The following GIGYF2 variants were observed in gnomAD, a reference collection of about 807,000 sequenced individuals.
GIGYF2 encodes GRB10-interacting GYF protein 2.
Under a neutral mutation model 208.1 loss-of-function variants are expected in GIGYF2, and 25 were observed. The observed-to-expected ratio is 0.12, with a 90% CI of 0.09 to 0.17. GIGYF2 has a LOEUF of 0.17. Ranked by LOEUF, GIGYF2 falls within the 10% of genes least tolerant of loss-of-function variation. The pLI is 1.00. For missense variants in GIGYF2, 1,302 were observed against 1,579.4 expected (o/e 0.82, Z 2.98); for synonymous variants, 534 against 543.8 (o/e 0.98, Z 0.25).
At chr2:232,780,326 C>A (rs574313791) in intron 8 of GIGYF2, among the ~76,000 whole-genome samples, 8 of 152,176 alleles carry the variant, frequency 5.3e-5, no homozygotes, top group Non-Finnish European at 7.4e-5. Flanking sequence ...TTGAAACAAC[C>A]AAGTATTTAT....
intron 21 of GIGYF2, among the ~76,000 whole-genome samples, chr2:232,822,861 TAGG>T (rs1341678563): frequency 6.6e-6 from 1 of 152,192 alleles, no homozygotes; most frequent in East Asian, 1.9e-4. Context: ...TATTGATAAA[TAGG>T]AGCAGTTTTA....
intron 8 of GIGYF2, among the ~76,000 whole-genome samples, chr2:232,778,751 A>G (rs1358995802): frequency 6.6e-6 from 1 of 152,188 alleles, no homozygotes; most frequent in Non-Finnish European, 1.5e-5. Context: ...AGGGATGTGG[A>G]GGTCCTGGGG....
Position 232,816,920 on chromosome 2 carries a change from A to G in GIGYF2, c.2258A>G (p.Glu753Gly). 3 of 1,612,460 alleles carry G rather than the reference A, an allele frequency of 1.9e-6. No individual in the cohort carries two copies. The highest frequency in any genetic ancestry group is 2.5e-6 in the Non-Finnish European group (3 of 1,178,458). ...EAEMRAKREEEERKRQEELRR... is the reference protein window; with the variant it reads ...EAEMRAKREEGERKRQEELRR... ...GAAATGAGGGCAAAACGGGAAGAGG[A>G]AGAGCGAAAGAGGCAGGAAGAACTC... The change falls in exon 20 of 29, where the codon GAA becomes GGA. Residue 753 changes from glutamate to glycine, a missense_variant. Glu to Gly is a moderately conservative substitution (Grantham distance 98, BLOSUM62 -2). Coordinates refer to ENST00000373563, the MANE Select transcript of GIGYF2 (RefSeq NM_001103146.3).
At chr2:232,794,641 C>G (rs1253195584) in intron 12 of GIGYF2, 107 bp from the exon 13 acceptor site, 1 of 849,108 alleles carries the variant, frequency 1.2e-6, no homozygotes, top group Non-Finnish European at 2.0e-6. Context: ...ACAGGGCTCA[C>G]GTTTTCTGTT....
intron 2 of GIGYF2, among the ~76,000 whole-genome samples, chr2:232,715,050 C>T (rs1696616800): frequency 6.6e-6 from 1 of 152,120 alleles, no homozygotes. Flanking sequence ...TTTTCTGTTC[C>T]TGCATTGGTT....
chr2:232,775,932 C>T (rs1476661384), intron 8 of GIGYF2, among the ~76,000 whole-genome samples: 1 of 152,154 alleles, frequency 6.6e-6, no homozygotes, highest in African/African-American at 2.4e-5. Context: ...GTTATATAAG[C>T]TCAGAGATTC....
At chr2:232,720,581 A>AT (rs1331036864) in intron 2 of GIGYF2, among the ~76,000 whole-genome samples, 4 of 117,840 alleles carry the variant, frequency 3.4e-5, no homozygotes, top group South Asian at 8.2e-4. Context: ...ATATATATAT[A>AT]TATTTTTGTT....
At chr2:232,698,349 C>T (rs897780239) in intron 1 of GIGYF2, 3 of 152,136 alleles carry the variant, frequency 2.0e-5, no homozygotes, top group African/African-American at 7.2e-5. Flanking sequence ...GAGTATGGGG[C>T]TAGAAGCTGT....
chr2:232,716,688 T>G (rs1409753689), intron 2 of GIGYF2, among the ~76,000 whole-genome samples: 1 of 152,006 alleles, frequency 6.6e-6, no homozygotes, highest in African/African-American at 2.4e-5. Context: ...TGGCCAGTGT[T>G]TTTTTTGTTT....
intron 14 of GIGYF2, among the ~76,000 whole-genome samples, chr2:232,799,407 G>A (rs1467407205): frequency 6.6e-6 from 1 of 151,714 alleles, no homozygotes; most frequent in Non-Finnish European, 1.5e-5. Context: ...AATTAGCTGG[G>A]TGTGGGATGG....
intron 26 of GIGYF2, 30 bp from the exon 27 acceptor site, chr2:232,847,318 A>T (rs756645963): frequency 3.2e-5 from 51 of 1,604,740 alleles, no homozygotes; most frequent in Middle Eastern, 4.1e-4. Context: ...TTTCATTGTT[A>T]CCCTTATCTT....
intron 1 of GIGYF2, chr2:232,700,560 TTC>T (rs1372918968): frequency 1.3e-5 from 2 of 152,218 alleles, no homozygotes; most frequent in Non-Finnish European, 2.9e-5. Flanking sequence ...TTCCCATACT[TTC>T]TGTTTTATTC....
At chr2:232,835,770 G>A (rs188810775) in intron 22 of GIGYF2, among the ~76,000 whole-genome samples, 4 of 152,248 alleles carry the variant, frequency 2.6e-5, no homozygotes, top group Non-Finnish European at 4.4e-5. Flanking sequence ...CGAGGTGACC[G>A]TGGGTTTGGC....
At chr2:232,852,199 C>A (rs1690370008) in intron 28 of GIGYF2, among the ~76,000 whole-genome samples, 2 of 152,142 alleles carry the variant, frequency 1.3e-5, no homozygotes, top group Admixed American at 6.5e-5. Flanking sequence ...GCCTTCCAGC[C>A]CTGGTGAAAA....
At chr2:232,777,365 G>T (rs1699556538) in intron 8 of GIGYF2, among the ~76,000 whole-genome samples, 1 of 152,148 alleles carries the variant, frequency 6.6e-6, no homozygotes, top group Non-Finnish European at 1.5e-5. Flanking sequence ...ATGTGATCCA[G>T]CTTGTTGGAA....
chr2:232,769,269 G>A (rs572156215), intron 8 of GIGYF2, among the ~76,000 whole-genome samples: 4 of 152,188 alleles, frequency 2.6e-5, no homozygotes, highest in African/African-American at 7.2e-5. Flanking sequence ...GGTGTCTCAC[G>A]CCTGTAATCC....
At position 232,745,687 on chromosome 2, in the gene GIGYF2, T is replaced by G. The variant is rs1698124787; in HGVS notation, c.42-1928T>G. Among the ~76,000 whole-genome samples the G allele has an allele frequency of 2.6e-5, 4 of 152,212 alleles. No individual in the cohort carries two copies. The South Asian group carries it at 8.3e-4, about 32-fold the overall frequency. On this transcript the variant is annotated intron_variant, in intron 3 of 28. Coordinates refer to ENST00000373563, the MANE Select transcript of GIGYF2 (RefSeq NM_001103146.3). ...TTGCAGAAGTATTCCAGCTAATACA[T>G]AAGGGAGGAATGAAAGAATATAATC... is the stretch of plus-strand genomic sequence containing the variant.
In GIGYF2 at chr2:232,730,235, A is replaced by C; in HGVS notation, c.-43-4920A>C. On this transcript the variant is annotated intron_variant, in intron 2 of 28. Coordinates refer to ENST00000373563, the MANE Select transcript of GIGYF2 (RefSeq NM_001103146.3). ...TACCTGAGAGCTGAGGAGCAGCAGA[A>C]AGAGCTCAAGTTGTGGGCACCCTGT... The C allele has an allele frequency of 3.9e-6, 4 of 1,017,042 alleles. No homozygotes were observed. The South Asian group carries it at 5.6e-5, about 14-fold the overall frequency. 63.0% of individuals were successfully genotyped at this position (1,017,042 alleles called of 1,614,324 possible).
At chr2:232,716,367 GTTAT>G (rs1314939330) in intron 2 of GIGYF2, among the ~76,000 whole-genome samples, 8 of 135,182 alleles carry the variant, frequency 5.9e-5, no homozygotes, top group East Asian at 4.4e-4. Flanking sequence ...AGATAATGGT[GTTAT>G]TTGTTTTTTT....
Sources: allele counts gnomAD v4.1 joint callset (sites outside exome capture counted in the v4.1 genomes callset), GRCh38; gene constraint gnomAD v4.1.1; transcripts MANE v1.5; gene names NCBI Gene and HGNC (gene_info 2026-07-23, HGNC 2026-07-21).